The following WWOX variants were observed in gnomAD, a reference collection of about 807,000 sequenced individuals.
The protein encoded by WWOX is WW domain-containing oxidoreductase.
WWOX carries 69 observed loss-of-function variants against 46.2 expected under a neutral mutation model. The ratio of observed to expected loss-of-function variants is 1.49; its 90% CI spans 1.23 to 1.82. The LOEUF (loss-of-function observed/expected upper bound fraction) is 1.82. Ranked by LOEUF, WWOX falls within the 40% of genes most tolerant of loss-of-function variation. The pLI is 0.00. For missense variants in WWOX, 919 were observed against 542.6 expected (o/e 1.69, Z -6.89); for synonymous variants, 359 against 202.6 (o/e 1.77, Z -6.56).
chr16:79,037,858 C>G (rs1464831843), intron 8 of WWOX, among the ~76,000 whole-genome samples: 3 of 152,122 alleles, frequency 2.0e-5, no homozygotes, highest in Admixed American at 1.3e-4. Flanking sequence ...CCTGCCTGCT[C>G]TCTGGGTGGC....
chr16:78,895,049 G>A (rs1318263011), intron 8 of WWOX, among the ~76,000 whole-genome samples: 1 of 152,286 alleles, frequency 6.6e-6, no homozygotes, highest in South Asian at 2.1e-4. Context: ...TCTTATCTTG[G>A]TAGTACGATT....
At chr16:78,144,448 C>CATAT (rs1447794716) in intron 4 of WWOX, among the ~76,000 whole-genome samples, 1 of 17,578 alleles carries the variant, frequency 5.7e-5, no homozygotes. Context: ...TATATATATA[C>CATAT]ACATATATAT....
At chr16:78,543,154 T>A (rs115164563) in intron 8 of WWOX, among the ~76,000 whole-genome samples, 1 of 152,214 alleles carries the variant, frequency 6.6e-6, no homozygotes, top group African/African-American at 2.4e-5. Context: ...CCCGGACTTA[T>A]AGAGTCTGTG....
chr16:78,324,737 A>C (rs775219147), intron 5 of WWOX, among the ~76,000 whole-genome samples: 2 of 150,696 alleles, frequency 1.3e-5, no homozygotes, highest in Non-Finnish European at 3.0e-5. Flanking sequence ...CAGAACAGAG[A>C]AATTTAGAGA....
At chr16:78,920,820 G>A (rs1028408134) in intron 8 of WWOX, among the ~76,000 whole-genome samples, 3 of 152,144 alleles carry the variant, frequency 2.0e-5, no homozygotes, top group African/African-American at 7.2e-5. Flanking sequence ...AAAAGACCTG[G>A]CTTTGGCTGT....
chr16:79,070,784 A>T (rs1052987220), intron 8 of WWOX, among the ~76,000 whole-genome samples: 9 of 152,322 alleles, frequency 5.9e-5, no homozygotes, highest in Admixed American at 3.3e-4. Flanking sequence ...TGTTTCTTCA[A>T]AGAACACAGA....
intron 8 of WWOX, among the ~76,000 whole-genome samples, chr16:78,970,043 C>A (rs1340872565): frequency 2.6e-5 from 4 of 152,140 alleles, no homozygotes; most frequent in African/African-American, 9.7e-5. Flanking sequence ...TGTATGAAAA[C>A]TGTGATGGGA....
chr16:79,212,342 A>G lies in WWOX; in HGVS notation c.*546A>G. 1 of 666,120 alleles carries G rather than the reference A, an allele frequency of 1.5e-6. No individual in the cohort carries two copies. Among genetic ancestry groups the G allele is most frequent in the Non-Finnish European group, 2.4e-6 (1 of 412,406 alleles). The allele number at this position is 666,120 out of a possible 1,614,324, so 41.3% of individuals were successfully genotyped here. On this transcript the variant is annotated 3_prime_UTR_variant, in exon 9 of 9. Transcript: ENST00000566780. ...CAGAACCTTGTCCCAGCCAGTGAGG[A>G]TGACAGTGACACCCAGAGGGAGTAG...
intron 8 of WWOX, among the ~76,000 whole-genome samples, chr16:78,580,783 T>G (rs1279912817): frequency 6.6e-6 from 1 of 152,244 alleles, no homozygotes; most frequent in Non-Finnish European, 1.5e-5. Flanking sequence ...TTATTCTTCA[T>G]TTAATAATGC....
At chr16:78,610,983 C>A (rs2045887313) in intron 8 of WWOX, among the ~76,000 whole-genome samples, 1 of 152,030 alleles carries the variant, frequency 6.6e-6, no homozygotes, top group Non-Finnish European at 1.5e-5. Context: ...ACAAAAACAA[C>A]AACAACAACA....
At chr16:78,937,601 C>CA (rs2045767172) in intron 8 of WWOX, among the ~76,000 whole-genome samples, 4 of 142,548 alleles carry the variant, frequency 2.8e-5, no homozygotes, top group African/African-American at 5.2e-5. Context: ...AGCTATAGAG[C>CA]TTTATTTATT....
intron 8 of WWOX, among the ~76,000 whole-genome samples, chr16:78,726,963 T>C (rs574797838): frequency 2.6e-5 from 4 of 152,228 alleles, no homozygotes; most frequent in Non-Finnish European, 5.9e-5. Context: ...TTTTGTGTTT[T>C]TGGTCATCCC....
intron 4 of WWOX, among the ~76,000 whole-genome samples, chr16:78,126,625 C>G (rs1849262391): frequency 6.6e-6 from 1 of 152,106 alleles, no homozygotes. Flanking sequence ...ACTTTAAGTA[C>G]CTGTTCAATC....
At chr16:78,309,873 G>C (rs2080207291) in intron 5 of WWOX, among the ~76,000 whole-genome samples, 1 of 152,108 alleles carries the variant, frequency 6.6e-6, no homozygotes, top group Non-Finnish European at 1.5e-5. Context: ...AATTGTTCTA[G>C]TTAGAGTGTT....
intron 8 of WWOX, among the ~76,000 whole-genome samples, chr16:78,938,457 C>T (rs968452537): frequency 2.6e-5 from 4 of 151,538 alleles, no homozygotes; most frequent in African/African-American, 9.7e-5. Context: ...CCCTCAAAGG[C>T]AAGGGCTCTG....
chr16:79,012,999 T>C (rs1467381763), intron 8 of WWOX, among the ~76,000 whole-genome samples: 3 of 152,002 alleles, frequency 2.0e-5, no homozygotes, highest in African/African-American at 4.8e-5. Context: ...ACCTGGGAGA[T>C]TGGAGGTTGC....
chr16:78,453,406 G>T (rs948355497), intron 8 of WWOX, among the ~76,000 whole-genome samples: 9 of 149,954 alleles, frequency 6.0e-5, no homozygotes, highest in African/African-American at 2.0e-4. Flanking sequence ...CTGGGCGCAT[G>T]AGCGAGACTA....
At chr16:78,825,026 C>T (rs2051610168) in intron 8 of WWOX, among the ~76,000 whole-genome samples, 1 of 152,158 alleles carries the variant, frequency 6.6e-6, no homozygotes, top group African/African-American at 2.4e-5. Flanking sequence ...GTTTCTCTCT[C>T]ACCATCCCCT....
At chr16:78,425,114 C>A (rs1032182347) in intron 7 of WWOX, 59 bp downstream of exon 7, 2 of 1,599,670 alleles carry the variant, frequency 1.3e-6, no homozygotes, top group East Asian at 2.2e-5. Context: ...CTAATATTCC[C>A]CCAAGGCTCT....
Sources: allele counts gnomAD v4.1 joint callset (sites outside exome capture counted in the v4.1 genomes callset), GRCh38; gene constraint gnomAD v4.1.1; transcripts MANE v1.5; gene names NCBI Gene and HGNC (gene_info 2026-07-23, HGNC 2026-07-21).